The following CSMD1 variants were observed in gnomAD, a reference collection of about 807,000 sequenced individuals.
The protein encoded by CSMD1 is CUB and Sushi multiple domains 1.
CSMD1 carries 213 observed loss-of-function variants against 417.5 expected under a neutral mutation model. The ratio of observed to expected loss-of-function variants is 0.51; its 90% CI spans 0.46 to 0.57. The LOEUF (loss-of-function observed/expected upper bound fraction) is 0.57, where lower values mean the gene tolerates loss of function less well. Ranked by LOEUF, CSMD1 falls within the 20% of genes least tolerant of loss-of-function variation. The pLI, the probability that CSMD1 is intolerant of heterozygous loss-of-function variation, is 0.00. For missense variants in CSMD1, 6,923 were observed against 4,529.7 expected (o/e 1.53, Z -15.17); for synonymous variants, 2,862 against 1,736.8 (o/e 1.65, Z -16.11).
chr8:4,392,353 G>C (rs1011108092), intron 3 of CSMD1, among the ~76,000 whole-genome samples: 3 of 152,136 alleles, frequency 2.0e-5, no homozygotes, highest in Non-Finnish European at 4.4e-5. Flanking sequence ...GGTCACATGA[G>C]GAGGAGCAGT....
chr8:4,176,936 C>G (rs1485727276), intron 3 of CSMD1, among the ~76,000 whole-genome samples: 3 of 149,592 alleles, frequency 2.0e-5, no homozygotes, highest in Non-Finnish European at 4.4e-5. Flanking sequence ...AAAGCAAGTC[C>G]TCAGTGACCT....
chr8:4,254,163 C>T (rs573578666), intron 3 of CSMD1, among the ~76,000 whole-genome samples: 3 of 152,154 alleles, frequency 2.0e-5, no homozygotes, highest in South Asian at 2.1e-4. Flanking sequence ...GTGATCCACC[C>T]GCCTTGGCCT....
At chr8:4,403,825 A>T (rs949026099) in intron 3 of CSMD1, among the ~76,000 whole-genome samples, 8 of 152,264 alleles carry the variant, frequency 5.3e-5, no homozygotes, top group African/African-American at 1.9e-4. Flanking sequence ...CTCAAATGGC[A>T]TCTGCCATTG....
chr8:3,661,835 A>G (rs1020107137), intron 7 of CSMD1, among the ~76,000 whole-genome samples: 1 of 152,130 alleles, frequency 6.6e-6, no homozygotes, highest in Non-Finnish European at 1.5e-5. Flanking sequence ...TTTTTATCAC[A>G]CCAAACAAGC....
intron 3 of CSMD1, among the ~76,000 whole-genome samples, chr8:4,389,977 T>C (rs1326545314): frequency 6.6e-6 from 1 of 152,224 alleles, no homozygotes; most frequent in African/African-American, 2.4e-5. Context: ...TACTTGCTCA[T>C]CATTTAGGAA....
intron 26 of CSMD1, among the ~76,000 whole-genome samples, chr8:3,272,628 C>T (rs537786275): frequency 7.3e-6 from 1 of 137,644 alleles, no homozygotes; most frequent in East Asian, 2.2e-4. Context: ...TTGTAGTTCT[C>T]CTTGAAGAGG....
intron 3 of CSMD1, among the ~76,000 whole-genome samples, chr8:4,185,591 G>A (rs527722303): frequency 1.9e-4 from 29 of 152,188 alleles, no homozygotes; most frequent in African/African-American, 6.5e-4. Context: ...TACCTATCTA[G>A]TAAATGTGCT....
intron 53 of CSMD1, among the ~76,000 whole-genome samples, chr8:2,999,154 CTTTT>C (rs33927768): frequency 1.7e-5 from 2 of 116,450 alleles, no homozygotes; most frequent in Non-Finnish European, 1.7e-5. Flanking sequence ...TTTTTTTTCC[CTTTT>C]TTTTTTTTTT....
intron 3 of CSMD1, among the ~76,000 whole-genome samples, chr8:4,091,669 C>T (rs907636811): frequency 6.6e-6 from 1 of 152,178 alleles, no homozygotes; most frequent in East Asian, 1.9e-4. Context: ...AATCAATGCT[C>T]ACTCCCTAAA....
chr8:4,300,936 G>C (rs1208723657), intron 3 of CSMD1, among the ~76,000 whole-genome samples: 1 of 152,132 alleles, frequency 6.6e-6, no homozygotes, highest in African/African-American at 2.4e-5. Flanking sequence ...GACTATCGTT[G>C]TTGGACATTT....
intron 5 of CSMD1, among the ~76,000 whole-genome samples, chr8:3,941,772 C>A (rs1310135705): frequency 6.6e-6 from 1 of 152,124 alleles, no homozygotes; most frequent in Non-Finnish European, 1.5e-5. Context: ...ACACACAATT[C>A]TTTGATTCCA....
intron 11 of CSMD1, 113 bp downstream of exon 11, chr8:3,493,510 G>A (rs1796224468): frequency 4.0e-6 from 3 of 747,706 alleles, no homozygotes; most frequent in Non-Finnish European, 4.5e-6. Flanking sequence ...GCCATAGATG[G>A]CACTAAGCAA....
chr8:3,836,786 TTTTA>T (rs1802739226), intron 5 of CSMD1, among the ~76,000 whole-genome samples: 1 of 152,130 alleles, frequency 6.6e-6, no homozygotes, highest in Admixed American at 6.6e-5. Context: ...AATCTTAGTG[TTTTA>T]TTTATTTCTT....
At chr8:3,078,902 G>A (rs1251825646) in intron 49 of CSMD1, among the ~76,000 whole-genome samples, 1 of 152,060 alleles carries the variant, frequency 6.6e-6, no homozygotes, top group Admixed American at 6.6e-5. Context: ...TTTTTGTTGG[G>A]CTCCTGTTCT....
At chr8:3,215,679 C>T (rs114038478) in intron 29 of CSMD1, among the ~76,000 whole-genome samples, 3 of 152,056 alleles carry the variant, frequency 2.0e-5, no homozygotes, top group Non-Finnish European at 2.9e-5. Flanking sequence ...CTTCTGGTAG[C>T]CTTAATATTT....
intron 8 of CSMD1, among the ~76,000 whole-genome samples, chr8:3,602,849 A>C (rs940380405): frequency 6.6e-6 from 1 of 152,118 alleles, no homozygotes; most frequent in Non-Finnish European, 1.5e-5. Flanking sequence ...TTTTGTTGAT[A>C]ATTCATCAAC....
Position 3,380,346 on chromosome 8 carries a change from C to A in CSMD1, c.2782+7148G>T, listed in dbSNP as rs535916565. On this transcript the variant is annotated intron_variant, in intron 18 of 69. Coordinates refer to ENST00000635120, the MANE Select transcript of CSMD1 (RefSeq NM_033225.6). Reference sequence around the variant, plus strand: ...GACAGTGTGGTGATTCCTCAAGGATCTAGAACCAGAAATACCATTTGACTC... The same window carrying A: ...GACAGTGTGGTGATTCCTCAAGGATATAGAACCAGAAATACCATTTGACTC... 2.0e-4 allele frequency among the ~76,000 whole-genome samples: 30 copies of A among 152,252 alleles called. No individual in the cohort carries two copies. In the South Asian group the frequency reaches 5.8e-3, roughly 29 times the overall value.
At chr8:4,732,531 G>C (rs1809970736) in intron 1 of CSMD1, among the ~76,000 whole-genome samples, 1 of 152,042 alleles carries the variant, frequency 6.6e-6, no homozygotes, top group Non-Finnish European at 1.5e-5. Context: ...TTCCAGTCTT[G>C]CAATGCAATT....
Position 3,188,935 on chromosome 8 carries a change from G to C in CSMD1, c.5475C>G (p.Asn1825Lys), listed in dbSNP as rs777724478. The C allele has an allele frequency of 1.7e-5, 28 of 1,610,538 alleles. No individual in the cohort carries two copies. The highest frequency in any genetic ancestry group is 2.4e-5 in the Non-Finnish European group (28 of 1,178,394). ...SPGYPEPYGN[N>K]LNCIWKIIVT... ...CTATGATCTTCCATATACAGTTCAA[G>C]TTGTTTCCGTATGGCTCAGGGTAGC... The change falls in exon 35 of 70, where the codon AAC becomes AAG. Residue 1825 changes from asparagine (N) to lysine (K), a missense_variant. Coordinates refer to ENST00000635120, the MANE Select transcript of CSMD1 (RefSeq NM_033225.6).
Sources: gnomAD v4.1 joint callset for allele counts (sites outside exome capture counted in the v4.1 genomes callset) on GRCh38, gnomAD v4.1.1 for gene constraint, MANE v1.5 for transcripts, NCBI Gene and HGNC (gene_info 2026-07-23, HGNC 2026-07-21) for gene names.